Variants in SDK1 observed in about 807,000 individuals in gnomAD.
The protein encoded by SDK1 is protein sidekick-1.
In SDK1, 157 loss-of-function variants were observed where a neutral mutation model predicts 245.5. That is an observed-to-expected ratio of 0.64 (90% CI 0.56 to 0.73). The LOEUF (loss-of-function observed/expected upper bound fraction) is 0.73, where lower values mean the gene tolerates loss of function less well. Among genes scored for constraint, SDK1 ranks in the 30% least tolerant of loss-of-function variants. The probability of loss-of-function intolerance (pLI) is 0.00; values close to 1 mark genes in which losing one functional copy is unlikely to be tolerated. For missense variants in SDK1, 3,583 were observed against 3,002.3 expected (o/e 1.19, Z -4.52); for synonymous variants, 1,647 against 1,278.5 (o/e 1.29, Z -6.15).
intron 1 of SDK1, among the ~76,000 whole-genome samples, chr7:3,380,109 A>C (rs913659699): frequency 6.6e-6 from 1 of 152,192 alleles, no homozygotes; most frequent in Non-Finnish European, 1.5e-5. Context: ...TTGAATTTCA[A>C]CTTTTCTATG....
intron 5 of SDK1, among the ~76,000 whole-genome samples, chr7:3,852,238 G>A (rs1487985533): frequency 6.7e-6 from 1 of 150,066 alleles, no homozygotes; most frequent in Non-Finnish European, 1.5e-5. Flanking sequence ...TTTAAAAATA[G>A]TTCTGGCTAA....
intron 19 of SDK1, among the ~76,000 whole-genome samples, chr7:4,063,597 C>CAAAAAAAAAAAA (rs35423286): frequency 3.1e-3 from 393 of 124,810 alleles, no homozygotes; most frequent in South Asian, 0.017. Context: ...ACAGAAATAG[C>CAAAAAAAAAAAA]AAAAAAAAAA....
chr7:3,560,408 C>T (rs1562563379), intron 1 of SDK1, among the ~76,000 whole-genome samples: 1 of 152,080 alleles, frequency 6.6e-6, no homozygotes. Context: ...AATTCTAAGT[C>T]ATCCTTGATG....
intron 4 of SDK1, among the ~76,000 whole-genome samples, chr7:3,784,742 AC>A (rs1399574968): frequency 6.6e-6 from 1 of 152,240 alleles, no homozygotes; most frequent in Non-Finnish European, 1.5e-5. Flanking sequence ...AGGAAAGGGA[AC>A]CCTGTTGGTG....
intron 40 of SDK1, among the ~76,000 whole-genome samples, chr7:4,230,474 G>A (rs1785688084): frequency 6.9e-6 from 1 of 145,884 alleles, no homozygotes; most frequent in South Asian, 2.3e-4. Flanking sequence ...GAGGGCAGGG[G>A]GAAGGAAGGA....
chr7:3,953,378 C>A (rs573722358), intron 7 of SDK1, among the ~76,000 whole-genome samples: 1 of 152,174 alleles, frequency 6.6e-6, no homozygotes, highest in Non-Finnish European at 1.5e-5. Context: ...TCCAAGGAAG[C>A]CGGCTTTGAG....
At chr7:3,535,223 C>G (rs1459487485) in intron 1 of SDK1, among the ~76,000 whole-genome samples, 1 of 151,962 alleles carries the variant, frequency 6.6e-6, no homozygotes, top group Admixed American at 6.6e-5. Context: ...TTGGAGTGAG[C>G]CAAGATCACA....
At chr7:3,803,438 G>A (rs1779162199) in intron 4 of SDK1, among the ~76,000 whole-genome samples, 1 of 151,396 alleles carries the variant, frequency 6.6e-6, no homozygotes, top group Non-Finnish European at 1.5e-5. Flanking sequence ...AGCCTCCTGA[G>A]TAGCTGGAAC....
chr7:3,680,128 A>G (rs1410075758), intron 4 of SDK1, among the ~76,000 whole-genome samples: 1 of 152,218 alleles, frequency 6.6e-6, no homozygotes, highest in Admixed American at 6.5e-5. Context: ...GAATGAATGA[A>G]CCAGGCAACG....
intron 5 of SDK1, among the ~76,000 whole-genome samples, chr7:3,924,418 A>G (rs1779699026): frequency 6.6e-6 from 1 of 152,162 alleles, no homozygotes; most frequent in Non-Finnish European, 1.5e-5. Flanking sequence ...TGGGGTGGCC[A>G]TTCCCAACCA....
At chr7:4,254,181 GTGTTTTTGTTTT>G (rs548035861) in intron 44 of SDK1, among the ~76,000 whole-genome samples, 192 of 151,748 alleles carry the variant, frequency 1.3e-3, no homozygotes, top group African/African-American at 4.1e-3. Flanking sequence ...ATTACTTTGA[GTGTTTTTGTTTT>G]TGTTTTTGTT....
At chr7:4,220,415 C>T (rs1324420918) in intron 39 of SDK1, 145 bp downstream of exon 39, 3 of 789,796 alleles carry the variant, frequency 3.8e-6, no homozygotes, top group Non-Finnish European at 3.9e-6. Context: ...GTCTGGGCAA[C>T]ATGGACGTCT....
intron 4 of SDK1, among the ~76,000 whole-genome samples, chr7:3,713,355 AAAAG>A (rs1310694566): frequency 1.3e-5 from 2 of 152,190 alleles, no homozygotes; most frequent in African/African-American, 4.8e-5. Flanking sequence ...ATTCCTCAAG[AAAAG>A]AAAGAAAGAG....
chr7:3,698,941 A>T (rs559797284), intron 4 of SDK1, among the ~76,000 whole-genome samples: 1 of 152,112 alleles, frequency 6.6e-6, no homozygotes, highest in South Asian at 2.1e-4. Flanking sequence ...GTCTATAATA[A>T]CCTCCTACCC....
At chr7:3,601,024 T>C (rs182858207) in intron 1 of SDK1, among the ~76,000 whole-genome samples, 24 of 152,318 alleles carry the variant, frequency 1.6e-4, no homozygotes, top group Non-Finnish European at 2.8e-4. Flanking sequence ...AGATTCTTTC[T>C]TTTTTTGTTT....
intron 1 of SDK1, among the ~76,000 whole-genome samples, chr7:3,313,915 C>G (rs938835541): frequency 6.6e-6 from 1 of 152,092 alleles, no homozygotes; most frequent in African/African-American, 2.4e-5. Flanking sequence ...TAAATATATA[C>G]AAATTTTTGT....
At chr7:3,534,108 G>C (rs1480656561) in intron 1 of SDK1, among the ~76,000 whole-genome samples, 1 of 152,122 alleles carries the variant, frequency 6.6e-6, no homozygotes, top group East Asian at 1.9e-4. Context: ...GCTTCTATGA[G>C]TTTCACTATT....
intron 5 of SDK1, among the ~76,000 whole-genome samples, chr7:3,937,409 G>C (rs1780198339): frequency 6.6e-6 from 1 of 152,204 alleles, no homozygotes; most frequent in African/African-American, 2.4e-5. Context: ...GAAGACCAAA[G>C]GCCATGCGGC....
At chr7:3,669,387 A>T (rs1175581579) in intron 4 of SDK1, among the ~76,000 whole-genome samples, 2 of 152,100 alleles carry the variant, frequency 1.3e-5, no homozygotes, top group Non-Finnish European at 2.9e-5. Flanking sequence ...CCCCCTTTTC[A>T]TTGAACTCTT....
Sources: allele counts gnomAD v4.1 joint callset (sites outside exome capture counted in the v4.1 genomes callset), GRCh38; gene constraint gnomAD v4.1.1; transcripts MANE v1.5; gene names NCBI Gene and HGNC (gene_info 2026-07-23, HGNC 2026-07-21).